Variants in TACR1 observed in about 807,000 individuals in gnomAD.
TACR1 encodes tachykinin receptor 1.
A neutral mutation model predicts 35.8 loss-of-function variants in TACR1; 25 were observed. That is an observed-to-expected ratio of 0.70 (90% CI 0.51 to 0.98). TACR1 has a LOEUF of 0.98. TACR1 is among the 50% of genes least tolerant of loss of function. The pLI is 0.00. For missense variants in TACR1, 478 were observed against 522.9 expected, an observed-to-expected ratio of 0.91 and a Z score of 0.84; for synonymous variants, 195 against 206.7, an observed-to-expected ratio of 0.94 and a Z score of 0.48.
intron 1 of TACR1, among the ~76,000 whole-genome samples, chr2:75,154,105 C>T (rs1043274941): frequency 2.0e-5 from 3 of 152,068 alleles, no homozygotes; most frequent in Admixed American, 6.6e-5. Flanking sequence ...CACTTGGATG[C>T]CCCCCTCACT....
chr2:75,117,522 C>A (rs1273951864), intron 2 of TACR1, among the ~76,000 whole-genome samples: 1 of 152,210 alleles, frequency 6.6e-6, no homozygotes. Flanking sequence ...TTACCCCTAT[C>A]CAGGGCACTA....
Position 75,068,319 on chromosome 2 carries a change from T to C in TACR1, c.585-14564A>G, listed in dbSNP as rs147736299. Reference sequence around the variant, plus strand: ...ACTGATTGCATGAGGGTCCCTCACATCATGGAGGGTAAGCTGCCTTAGTTA... The same window carrying C: ...ACTGATTGCATGAGGGTCCCTCACACCATGGAGGGTAAGCTGCCTTAGTTA... On this transcript the variant is annotated intron_variant, in intron 2 of 4. Transcript: ENST00000305249. Among the ~76,000 whole-genome samples, 704 of 152,244 alleles carry C rather than the reference T, an allele frequency of 4.6e-3. 7 individuals are homozygous for C. The highest frequency in any genetic ancestry group is 0.016 in the African/African-American group (653 of 41,534).
intron 4 of TACR1, among the ~76,000 whole-genome samples, chr2:75,050,522 C>G (rs1338811100): frequency 1.3e-5 from 2 of 152,164 alleles, no homozygotes; most frequent in Non-Finnish European, 2.9e-5. Flanking sequence ...CACTATGTGT[C>G]CCTGCCTGCT....
intron 1 of TACR1, among the ~76,000 whole-genome samples, chr2:75,128,433 A>T (rs1289815125): frequency 2.6e-5 from 4 of 152,214 alleles, no homozygotes; most frequent in Non-Finnish European, 4.4e-5. Flanking sequence ...CTAAGGTCTG[A>T]TGTGAACGAA....
chr2:75,105,622 C>T (rs1015117225), intron 2 of TACR1, among the ~76,000 whole-genome samples: 14 of 151,812 alleles, frequency 9.2e-5, no homozygotes, highest in East Asian at 1.9e-4. Flanking sequence ...TCATATTGTA[C>T]GCCGTAAATG....
At chr2:75,067,584 A>C (rs1672788721) in intron 2 of TACR1, among the ~76,000 whole-genome samples, 1 of 152,232 alleles carries the variant, frequency 6.6e-6, no homozygotes, top group Admixed American at 6.5e-5. Flanking sequence ...AATGTTGCTA[A>C]GTGAATAGAG....
At chr2:75,083,133 T>A (rs1673123901) in intron 2 of TACR1, among the ~76,000 whole-genome samples, 1 of 152,256 alleles carries the variant, frequency 6.6e-6, no homozygotes. Flanking sequence ...CGGTTTCAGT[T>A]TTCTACATAT....
intron 4 of TACR1, among the ~76,000 whole-genome samples, chr2:75,050,408 G>A (rs975660738): frequency 6.6e-6 from 1 of 152,216 alleles, no homozygotes; most frequent in African/African-American, 2.4e-5. Context: ...CTTACAGGCT[G>A]AGGACTGATG....
At position 75,156,762 on chromosome 2, in the gene TACR1, C is replaced by G. The variant is rs1015950087; in HGVS notation, c.390-35994G>C. 2.0e-5 allele frequency among the ~76,000 whole-genome samples: 3 copies of G among 152,124 alleles called. No homozygotes were observed. In the East Asian group the frequency reaches 5.8e-4, roughly 29 times the overall value. On this transcript the variant is annotated intron_variant, in intron 1 of 4. Coordinates refer to ENST00000305249, the MANE Select transcript of TACR1 (RefSeq NM_001058.4). ...AGTTTGTGGTAATTTGTTATAGCAG[C>G]CCTAGGAAATGAATATACTGGTCTT...
At chr2:75,133,161 C>T (rs1169546803) in intron 1 of TACR1, among the ~76,000 whole-genome samples, 1 of 152,160 alleles carries the variant, frequency 6.6e-6, no homozygotes, top group East Asian at 1.9e-4. Flanking sequence ...ATGTAGAATT[C>T]CTGCCATTAT....
intron 1 of TACR1, among the ~76,000 whole-genome samples, chr2:75,130,448 C>T (rs553286762): frequency 3.3e-5 from 5 of 152,322 alleles, no homozygotes; most frequent in African/African-American, 1.2e-4. Context: ...AGTAATCCTT[C>T]TCTGGAGAGT....
chr2:75,132,305 CCTT>C (rs1179125631), intron 1 of TACR1, among the ~76,000 whole-genome samples: 1 of 152,130 alleles, frequency 6.6e-6, no homozygotes, highest in Admixed American at 6.5e-5. Context: ...TTAAATCTAA[CCTT>C]CTGTACCTCT....
intron 2 of TACR1, among the ~76,000 whole-genome samples, chr2:75,072,347 A>G (rs990784215): frequency 2.0e-4 from 31 of 152,228 alleles, no homozygotes; most frequent in Non-Finnish European, 4.3e-4. Context: ...AAGTGCTGAA[A>G]GATCGCCAAG....
At chr2:75,058,612 A>G (rs150198006) in intron 2 of TACR1, among the ~76,000 whole-genome samples, 47 of 152,350 alleles carry the variant, frequency 3.1e-4, no homozygotes, top group African/African-American at 1.1e-3. Flanking sequence ...CAGCACCATG[A>G]TTTTGATCAT....
intron 1 of TACR1, among the ~76,000 whole-genome samples, chr2:75,158,597 A>G (rs542782867): frequency 1.3e-5 from 2 of 152,352 alleles, no homozygotes; most frequent in East Asian, 3.9e-4. Flanking sequence ...TGATTGCCAT[A>G]TATTTTCATC....
chr2:75,053,850 T>A, intron 2 of TACR1, 95 bp from the exon 3 acceptor site: 1 of 1,505,468 alleles, frequency 6.6e-7, no homozygotes, highest in Non-Finnish European at 9.0e-7. Flanking sequence ...GTTTGGCAGC[T>A]ACCTTTCTCA....
chr2:75,184,996 G>T (rs1675655162), intron 1 of TACR1, among the ~76,000 whole-genome samples: 1 of 151,830 alleles, frequency 6.6e-6, no homozygotes, highest in African/African-American at 2.4e-5. Flanking sequence ...ATCCATAAGG[G>T]TGTTTTAGAT....
intron 2 of TACR1, among the ~76,000 whole-genome samples, chr2:75,104,904 TA>T (rs1417545448): frequency 2.0e-5 from 3 of 152,040 alleles, no homozygotes; most frequent in African/African-American, 7.2e-5. Flanking sequence ...GGAGAGGGTG[TA>T]GAGAAAAGGG....
At chr2:75,085,241 C>T (rs983304808) in intron 2 of TACR1, among the ~76,000 whole-genome samples, 20 of 152,228 alleles carry the variant, frequency 1.3e-4, no homozygotes, top group African/African-American at 4.8e-4. Flanking sequence ...TTTTATCCCC[C>T]TTACTCCAAC....
Sources: allele counts gnomAD v4.1 joint callset (sites outside exome capture counted in the v4.1 genomes callset), GRCh38; gene constraint gnomAD v4.1.1; transcripts MANE v1.5; gene names NCBI Gene and HGNC (gene_info 2026-07-23, HGNC 2026-07-21).